PBX1: variants seen among roughly 807,000 people sequenced by gnomAD.
PBX1 encodes the protein PBX homeobox 1, also known as pre-B-cell leukemia transcription factor 1.
Under a neutral mutation model 53.4 loss-of-function variants are expected in PBX1, and 6 were observed. That is an observed-to-expected ratio of 0.11 (90% CI 0.06 to 0.22). PBX1 has a LOEUF of 0.22. Ranked by LOEUF, PBX1 falls within the 10% of genes least tolerant of loss-of-function variation. PBX1 has a pLI of 1.00. For missense variants in PBX1, 251 were observed against 551.4 expected, an observed-to-expected ratio of 0.46 and a Z score of 5.46; for synonymous variants, 204 against 212.3, an observed-to-expected ratio of 0.96 and a Z score of 0.34.
intron 2 of PBX1, among the ~76,000 whole-genome samples, chr1:164,603,938 T>C (rs1656373076): frequency 1.6e-5 from 1 of 63,306 alleles, no homozygotes; most frequent in African/African-American, 5.5e-5. Context: ...CATTTTTTTT[T>C]TTTTTTTTTT....
chr1:164,840,256 G>C (rs1272894147), intron 8 of PBX1, among the ~76,000 whole-genome samples: 1 of 152,170 alleles, frequency 6.6e-6, no homozygotes, highest in African/African-American at 2.4e-5. Flanking sequence ...AACTAGGCCA[G>C]AAGAAAATTT....
Position 164,849,244 on chromosome 1 carries a change from A to T in PBX1, c.*2568A>T. 6.6e-7 allele frequency: 1 copy of T among 1,516,454 alleles called. No individual in the cohort carries two copies. The highest frequency in any genetic ancestry group is 8.8e-7 in the Non-Finnish European group (1 of 1,135,328). The allele number at this position is 1,516,454 out of a possible 1,614,324, so 93.9% of individuals were successfully genotyped here. ...AAGATCAGAACAGGGCTACATTTGC[A>T]CAGGCAGTTTCTCTCCGGGCCGTAG... On this transcript the variant is annotated 3_prime_UTR_variant, in exon 9 of 9. Coordinates refer to ENST00000420696, the MANE Select transcript of PBX1 (RefSeq NM_002585.4).
intron 2 of PBX1, among the ~76,000 whole-genome samples, chr1:164,878,957 AGT>A (rs747756685): frequency 1.1e-4 from 17 of 152,294 alleles, no homozygotes; most frequent in Non-Finnish European, 2.2e-4. Flanking sequence ...GAGAAACTTA[AGT>A]GTTCTTTGTA....
chr1:164,592,803 C>T (rs900578852), intron 2 of PBX1, among the ~76,000 whole-genome samples: 6 of 152,188 alleles, frequency 3.9e-5, no homozygotes, highest in African/African-American at 1.4e-4. Context: ...ACACCAGGCT[C>T]CCACGCGCTG....
intron 8 of PBX1, among the ~76,000 whole-genome samples, chr1:164,830,443 C>T (rs746168630): frequency 6.6e-6 from 1 of 152,000 alleles, no homozygotes; most frequent in African/African-American, 2.4e-5. Flanking sequence ...AAATAGAGCT[C>T]TTTATTAAAA....
At chr1:164,712,648 A>G (rs1282629997) in intron 2 of PBX1, among the ~76,000 whole-genome samples, 4 of 152,194 alleles carry the variant, frequency 2.6e-5, no homozygotes, top group East Asian at 1.9e-4. Context: ...GTTAATCACC[A>G]TGAGAGGCAG....
At chr1:164,600,246 CTTTT>C (rs71097539) in intron 2 of PBX1, among the ~76,000 whole-genome samples, 8 of 121,818 alleles carry the variant, frequency 6.6e-5, no homozygotes, top group African/African-American at 1.7e-4. Flanking sequence ...TATGCTGCTG[CTTTT>C]TTTTTTTTTT....
intron 2 of PBX1, among the ~76,000 whole-genome samples, chr1:164,668,734 C>T (rs575744914): frequency 5.9e-4 from 90 of 152,336 alleles, no homozygotes; most frequent in African/African-American, 1.9e-3. Flanking sequence ...CGGCTCCTCG[C>T]GCCAATGTGG....
At chr1:164,622,946 C>T (rs1657784703) in intron 2 of PBX1, among the ~76,000 whole-genome samples, 1 of 151,450 alleles carries the variant, frequency 6.6e-6, no homozygotes, top group Non-Finnish European at 1.5e-5. Flanking sequence ...TCCCAAGTAG[C>T]TGGGACTACA....
intron 2 of PBX1, chr1:164,651,930 GGTGTGTGTGT>G (rs57772161): frequency 0.065 from 9,426 of 144,076 alleles, 368 homozygotes; most frequent in Non-Finnish European, 0.086. Flanking sequence ...ATGGAGGGAG[GGTGTGTGTGT>G]GTGTGTGTGT....
chr1:164,739,859 C>T (rs918559659), intron 2 of PBX1, among the ~76,000 whole-genome samples: 2 of 151,686 alleles, frequency 1.3e-5, no homozygotes, highest in Non-Finnish European at 2.9e-5. Flanking sequence ...AGTAAGGCTA[C>T]GTTGAACTCT....
At chr1:164,593,186 G>C (rs1337706283) in intron 2 of PBX1, among the ~76,000 whole-genome samples, 1 of 152,032 alleles carries the variant, frequency 6.6e-6, no homozygotes, top group Non-Finnish European at 1.5e-5. Context: ...CTGAACTCCT[G>C]GGCTCAAGTG....
chr1:164,723,149 A>T (rs1166812087), intron 2 of PBX1, among the ~76,000 whole-genome samples: 1 of 152,156 alleles, frequency 6.6e-6, no homozygotes. Flanking sequence ...ATGTACCCAG[A>T]TTGGGCATTA....
chr1:164,785,528 A>T lies in PBX1; in HGVS notation c.266-6966A>T, dbSNP rs148977123. Among the ~76,000 whole-genome samples, 79 of 152,312 alleles carry T rather than the reference A, an allele frequency of 5.2e-4. 1 individual carries two copies. In the East Asian group the frequency reaches 0.014, roughly 27 times the overall value. On this transcript the variant is annotated intron_variant, in intron 2 of 8. Transcript: ENST00000420696. ...GTATGTGCATCAGTTGGATGCACACAAATCTTCAGATTTTCAGTTGTTATC... is the reference window on the plus strand; with the variant it reads ...GTATGTGCATCAGTTGGATGCACACTAATCTTCAGATTTTCAGTTGTTATC...
At chr1:164,624,241 A>G (rs961803519) in intron 2 of PBX1, among the ~76,000 whole-genome samples, 2 of 152,188 alleles carry the variant, frequency 1.3e-5, no homozygotes, top group Non-Finnish European at 2.9e-5. Flanking sequence ...CTTACTTGCA[A>G]TTTGTAATGG....
At chr1:164,715,778 T>G (rs1664051186) in intron 2 of PBX1, among the ~76,000 whole-genome samples, 1 of 152,224 alleles carries the variant, frequency 6.6e-6, no homozygotes, top group African/African-American at 2.4e-5. Context: ...CTCAGAAGTC[T>G]AAGCCGGGAT....
intron 2 of PBX1, among the ~76,000 whole-genome samples, chr1:164,707,141 T>C (rs190024775): frequency 6.6e-6 from 1 of 152,300 alleles, no homozygotes; most frequent in East Asian, 1.9e-4. Flanking sequence ...AGACCTTGGA[T>C]ATTCTGATCA....
At chr1:164,803,439 C>T (rs1298385170) in intron 4 of PBX1, among the ~76,000 whole-genome samples, 1 of 152,162 alleles carries the variant, frequency 6.6e-6, no homozygotes, top group Admixed American at 6.5e-5. Flanking sequence ...TCCTTGAGTG[C>T]TTACTATATG....
chr1:164,566,999 C>A (rs1394092797), intron 2 of PBX1, among the ~76,000 whole-genome samples: 2 of 151,972 alleles, frequency 1.3e-5, no homozygotes, highest in Non-Finnish European at 2.9e-5. Flanking sequence ...CAATTAACAC[C>A]CCCATCACAG....
Sources: gnomAD v4.1 joint callset for allele counts (sites outside exome capture counted in the v4.1 genomes callset) on GRCh38, gnomAD v4.1.1 for gene constraint, MANE v1.5 for transcripts, NCBI Gene and HGNC (gene_info 2026-07-23, HGNC 2026-07-21) for gene names.